Variants in EPHA3 observed in about 807,000 individuals in gnomAD.
EPHA3 encodes ephrin type-A receptor 3.
In EPHA3, 42 loss-of-function variants were observed where a neutral mutation model predicts 107.1. That is an observed-to-expected ratio of 0.39 (90% CI 0.31 to 0.51). EPHA3 has a LOEUF of 0.51. Among genes scored for constraint, EPHA3 ranks in the 20% least tolerant of loss-of-function variants. The probability of loss-of-function intolerance (pLI) is 0.78; values close to 1 mark genes in which losing one functional copy is unlikely to be tolerated. For synonymous variants in EPHA3, 461 were observed against 424.8 expected (o/e 1.09, Z -1.05); for missense variants, 1,183 against 1,211.2 (o/e 0.98, Z 0.35).
chr3:89,365,188 A>G (rs1346231840), intron 5 of EPHA3, among the ~76,000 whole-genome samples: 1 of 150,806 alleles, frequency 6.6e-6, no homozygotes, highest in African/African-American at 2.4e-5. Context: ...GAGGTGGACA[A>G]TAAAAGGTAA....
At chr3:89,202,719 C>T (rs1018428126) in intron 2 of EPHA3, among the ~76,000 whole-genome samples, 1 of 151,762 alleles carries the variant, frequency 6.6e-6, no homozygotes, top group Admixed American at 6.6e-5. Context: ...CAGTAGAATG[C>T]TATCAAACTA....
At chr3:89,348,413 G>A (rs1707725855) in intron 5 of EPHA3, among the ~76,000 whole-genome samples, 3 of 108,580 alleles carry the variant, frequency 2.8e-5, no homozygotes, top group East Asian at 2.4e-4. Context: ...AGAGGTGTTT[G>A]TAGTATTCTC....
chr3:89,214,623 A>G (rs1366957915), intron 3 of EPHA3, among the ~76,000 whole-genome samples: 1 of 151,680 alleles, frequency 6.6e-6, no homozygotes, highest in Admixed American at 6.6e-5. Flanking sequence ...GTTCAATTAA[A>G]CCTCTAGTCT....
chr3:89,386,068 T>G (rs1708615047), intron 5 of EPHA3, among the ~76,000 whole-genome samples: 1 of 152,058 alleles, frequency 6.6e-6, no homozygotes, highest in African/African-American at 2.4e-5. Context: ...GGTGGAACAA[T>G]TTTTTTAGTA....
chr3:89,431,819 G>A (rs1709575551), intron 13 of EPHA3, among the ~76,000 whole-genome samples: 1 of 152,044 alleles, frequency 6.6e-6, no homozygotes, highest in Non-Finnish European at 1.5e-5. Context: ...GTCCATAATT[G>A]TGCCATCCAC....
intron 3 of EPHA3, among the ~76,000 whole-genome samples, chr3:89,326,582 G>A (rs1028049810): frequency 1.3e-5 from 2 of 151,866 alleles, no homozygotes; most frequent in African/African-American, 4.8e-5. Context: ...TAGAGATGGG[G>A]TTTCACCATG....
intron 3 of EPHA3, among the ~76,000 whole-genome samples, chr3:89,330,981 G>A (rs1707272492): frequency 6.6e-6 from 1 of 152,108 alleles, no homozygotes; most frequent in Non-Finnish European, 1.5e-5. Flanking sequence ...GAAGCTCTTA[G>A]ATCAGTGAAA....
At position 89,228,412 on chromosome 3, in the gene EPHA3, CTATCTACAACTTCATTATGCA is replaced by C. The variant is rs1704550151; in HGVS notation, c.814+17895_814+17915del. On this transcript the variant is annotated intron_variant, in intron 3 of 16. Transcript: ENST00000336596. ...CACATACAGGGCTGATAAATATAGT[CTATCTACAACTTCATTATGCA>C]TAGTGCTCTTGTCATTCAACGTGTT... Among the ~76,000 whole-genome samples the C allele has an allele frequency of 2.0e-5, 3 of 151,904 alleles. No individual in the cohort carries two copies. In the South Asian group the frequency reaches 6.2e-4, roughly 31 times the overall value.
chr3:89,298,785 A>G (rs954953475), intron 3 of EPHA3, among the ~76,000 whole-genome samples: 3 of 152,172 alleles, frequency 2.0e-5, no homozygotes, highest in African/African-American at 7.2e-5. Flanking sequence ...TAAATTAAAT[A>G]TTATAAAACA....
chr3:89,204,010 G>T (rs1173710118), intron 2 of EPHA3, among the ~76,000 whole-genome samples: 1 of 152,044 alleles, frequency 6.6e-6, no homozygotes, highest in African/African-American at 2.4e-5. Flanking sequence ...GCCTTTAATA[G>T]CCTGTATCTT....
intron 15 of EPHA3, among the ~76,000 whole-genome samples, chr3:89,459,537 T>C (rs558608065): frequency 4.0e-4 from 58 of 146,344 alleles, no homozygotes; most frequent in African/African-American, 1.5e-3. Flanking sequence ...TTCCTTCCTT[T>C]CTTCCTTTCT....
At chr3:89,368,033 TA>T (rs1424061167) in intron 5 of EPHA3, among the ~76,000 whole-genome samples, 1 of 150,530 alleles carries the variant, frequency 6.6e-6, no homozygotes, top group Non-Finnish European at 1.5e-5. Flanking sequence ...TCATAGTGGC[TA>T]ACTTGGGCCT....
chr3:89,361,156 C>T (rs746032929), intron 5 of EPHA3, among the ~76,000 whole-genome samples: 15 of 150,946 alleles, frequency 9.9e-5, no homozygotes, highest in Non-Finnish European at 2.1e-4. Context: ...TACACTAAAA[C>T]AATTGGAAAA....
chr3:89,176,710 T>C (rs1176504234), intron 2 of EPHA3, among the ~76,000 whole-genome samples: 1 of 152,086 alleles, frequency 6.6e-6, no homozygotes, highest in African/African-American at 2.4e-5. Context: ...GTGTTACAAA[T>C]GTATTTAACT....
At chr3:89,306,028 C>G (rs1369915760) in intron 3 of EPHA3, among the ~76,000 whole-genome samples, 2 of 152,090 alleles carry the variant, frequency 1.3e-5, no homozygotes, top group African/African-American at 4.8e-5. Flanking sequence ...CTATAAACGT[C>G]TCATCGTCAT....
intron 2 of EPHA3, among the ~76,000 whole-genome samples, chr3:89,202,906 TG>T (rs1392973040): frequency 2.0e-5 from 3 of 152,086 alleles, no homozygotes; most frequent in Non-Finnish European, 4.4e-5. Context: ...AGGATTTACT[TG>T]GTTTGTTATA....
At chr3:89,124,548 C>T (rs968643425) in intron 1 of EPHA3, among the ~76,000 whole-genome samples, 1 of 151,988 alleles carries the variant, frequency 6.6e-6, no homozygotes, top group Non-Finnish European at 1.5e-5. Context: ...GTTAACTATT[C>T]TACTCTACTA....
chr3:89,477,883 T>C (rs1279470642), intron 16 of EPHA3, among the ~76,000 whole-genome samples: 1 of 149,742 alleles, frequency 6.7e-6, no homozygotes, highest in Admixed American at 6.7e-5. Flanking sequence ...TGGAGTAAGA[T>C]AGGGAATAAA....
At chr3:89,303,726 A>G (rs1706545331) in intron 3 of EPHA3, among the ~76,000 whole-genome samples, 1 of 152,190 alleles carries the variant, frequency 6.6e-6, no homozygotes, top group African/African-American at 2.4e-5. Flanking sequence ...CAACATATTT[A>G]GAATTTTTTA....
Sources: allele counts gnomAD v4.1 joint callset (sites outside exome capture counted in the v4.1 genomes callset), GRCh38; gene constraint gnomAD v4.1.1; transcripts MANE v1.5; gene names NCBI Gene and HGNC (gene_info 2026-07-23, HGNC 2026-07-21).